PHF14: variants seen among roughly 807,000 people sequenced by gnomAD.
PHF14 encodes PHD finger protein 14.
A neutral mutation model predicts 117.9 loss-of-function variants in PHF14; 55 were observed. That is an observed-to-expected ratio of 0.47 (90% CI 0.38 to 0.58). The LOEUF (loss-of-function observed/expected upper bound fraction) is 0.58. Ranked by LOEUF, PHF14 falls within the 20% of genes least tolerant of loss-of-function variation. PHF14 has a pLI of 0.00. For missense variants in PHF14, 978 were observed against 1,122.2 expected (o/e 0.87, Z 1.84); for synonymous variants, 409 against 368.6 (o/e 1.11, Z -1.26).
intron 4 of PHF14, chr7:11,006,378 A>T: frequency 2.0e-6 from 1 of 501,706 alleles, no homozygotes; most frequent in Non-Finnish European, 3.9e-6. Context: ...ATATATTTAG[A>T]ATTAGCCAGC....
At chr7:11,087,219 T>C (rs1786447271) in intron 16 of PHF14, among the ~76,000 whole-genome samples, 1 of 150,298 alleles carries the variant, frequency 6.7e-6, no homozygotes, top group Admixed American at 6.7e-5. Context: ...TAAGATGGAG[T>C]CTCGCTCTGT....
intron 13 of PHF14, among the ~76,000 whole-genome samples, chr7:11,050,328 T>C (rs899456485): frequency 2.0e-5 from 3 of 152,174 alleles, no homozygotes. Flanking sequence ...TTTTACAGAT[T>C]ATAATCATTT....
chr7:11,012,506 A>G (rs1336104283), intron 4 of PHF14, among the ~76,000 whole-genome samples: 2 of 152,194 alleles, frequency 1.3e-5, no homozygotes, highest in Admixed American at 6.5e-5. Context: ...ACCAGTTCAA[A>G]CCTGTGTTGT....
At position 10,974,082 on chromosome 7, in the gene PHF14, C is replaced by T. The variant is rs964456248; in HGVS notation, c.-242C>T. ...GCGCTGCCTGGGCCGGAGGTCTTCT[C>T]CGGCCAGGGAGCGCTGTGGGAAGGG... On this transcript the variant is annotated 5_prime_UTR_variant, in exon 1 of 18. Transcript: ENST00000634607. 76 of 490,678 alleles carry T rather than the reference C, an allele frequency of 1.5e-4. No homozygotes were observed. Among genetic ancestry groups the T allele is most frequent in the Non-Finnish European group, 2.4e-4 (65 of 271,386 alleles). The allele number at this position is 490,678 out of a possible 1,614,324, so 30.4% of individuals were successfully genotyped here. A position where few individuals can be genotyped will look rare whatever the true frequency, so the allele number is the denominator to read the frequency against.
intron 17 of PHF14, among the ~76,000 whole-genome samples, chr7:11,121,774 A>G (rs1044550558): frequency 5.3e-5 from 8 of 152,258 alleles, no homozygotes; most frequent in Non-Finnish European, 7.4e-5. Flanking sequence ...CCAAGTGGGA[A>G]CAAGTGGGAC....
intron 14 of PHF14, among the ~76,000 whole-genome samples, chr7:11,057,478 G>A (rs186815431): frequency 7.9e-5 from 12 of 152,152 alleles, no homozygotes; most frequent in South Asian, 2.1e-4. Flanking sequence ...AGGATCGAGC[G>A]ATTCTCATGC....
intron 2 of PHF14, among the ~76,000 whole-genome samples, chr7:10,978,590 G>A (rs1268518567): frequency 6.6e-6 from 1 of 152,164 alleles, no homozygotes; most frequent in Non-Finnish European, 1.5e-5. Context: ...CTGTATATAC[G>A]AGTTAATGGT....
At position 11,062,056 on chromosome 7, in the gene PHF14, G is replaced by C. The variant is rs755460012; in HGVS notation, c.2625G>C (p.Lys875Asn). The change falls in exon 16 of 18, where the codon AAG becomes AAC. Residue 875 changes from lysine to asparagine, a missense_variant. By Grantham distance (94) the Lys-to-Asn change is moderately conservative. This residue lies in a region of PHF14 where 180 missense variants were observed against 195.4 expected (regional missense o/e 0.92). Transcript: ENST00000634607. ...TAAGAACTGAATGTGCAACTTGCAA[G>C]GGAACTGGAGACAATGAAAATCTTG... The part of the protein sequence containing the change: ...EDLRTECATC[K>N]GTGDNENLVR... 2 of 1,608,340 alleles carry C rather than the reference G, an allele frequency of 1.2e-6. No homozygotes were observed. The highest frequency in any genetic ancestry group is 1.7e-6 in the Non-Finnish European group (2 of 1,177,072).
chr7:11,013,709 T>C, intron 4 of PHF14, 38 bp from the exon 5 acceptor site: 1 of 1,204,640 alleles, frequency 8.3e-7, no homozygotes, highest in Non-Finnish European at 1.1e-6. Context: ...TTTAACAAAA[T>C]AAACCCTATT....
At chr7:11,004,297 A>G (rs1031572274) in intron 4 of PHF14, among the ~76,000 whole-genome samples, 1 of 149,892 alleles carries the variant, frequency 6.7e-6, no homozygotes, top group African/African-American at 2.4e-5. Context: ...ATCTCTCATA[A>G]TCATACCACC....
At chr7:10,978,052 G>T (rs557313156) in intron 2 of PHF14, among the ~76,000 whole-genome samples, 31 of 152,238 alleles carry the variant, frequency 2.0e-4, no homozygotes, top group African/African-American at 6.7e-4. Flanking sequence ...AGTAAAATGG[G>T]GTTAACTTTA....
At chr7:11,031,306 A>G (rs1056155151) in intron 7 of PHF14, among the ~76,000 whole-genome samples, 1 of 151,940 alleles carries the variant, frequency 6.6e-6, no homozygotes, top group African/African-American at 2.4e-5. Context: ...CCTTTATCTC[A>G]TTGGTGAGAA....
chr7:11,159,348 A>G (rs1055871683), intron 17 of PHF14, among the ~76,000 whole-genome samples: 5 of 152,016 alleles, frequency 3.3e-5, no homozygotes, highest in African/African-American at 1.2e-4. Flanking sequence ...AACGTGTGCT[A>G]TGGTTTGCCT....
chr7:10,976,966 A>G (rs1781889522), intron 2 of PHF14, among the ~76,000 whole-genome samples: 2 of 151,360 alleles, frequency 1.3e-5, no homozygotes, highest in South Asian at 4.2e-4. Context: ...TTTAGAAGAA[A>G]ATGATTGTAT....
chr7:11,155,989 G>GTT lies in PHF14; in HGVS notation c.2773-13427_2773-13426insTT. On this transcript the variant is annotated intron_variant, in intron 17 of 17. Coordinates refer to ENST00000634607, the MANE Select transcript of PHF14 (RefSeq NM_001007157.2). ...CTTTATACTTATGTAGTAGCTAATA[G>GTT]GTAATAGAAACCATTGGCTAAATGA... 2.6e-5 allele frequency among the ~76,000 whole-genome samples: 4 copies of GTT among 152,194 alleles called. No homozygotes were observed. The Middle Eastern group carries it at 0.014, about 518-fold the overall frequency.
At chr7:11,026,109 C>CAAA (rs142566001) in intron 6 of PHF14, among the ~76,000 whole-genome samples, 1 of 55,696 alleles carries the variant, frequency 1.8e-5, no homozygotes, top group African/African-American at 3.9e-5. Flanking sequence ...GAGACTCCAT[C>CAAA]AAAAAAAAAA....
rs773564764 is a variant in PHF14, at chr7:10,974,292, T to C, written c.-32T>C. On this transcript the variant is annotated 5_prime_UTR_variant, in exon 1 of 18. Coordinates refer to ENST00000634607, the MANE Select transcript of PHF14 (RefSeq NM_001007157.2). ...TGGGCTCCTGCAGCCTCTCCCTAAG[T>C]CTTCTCCAAACGACCACCTCACGGA... 8.2e-6 allele frequency: 13 copies of C among 1,582,316 alleles called. No individual in the cohort carries two copies. The Admixed American group carries it at 1.8e-4, about 22-fold the overall frequency.
intron 16 of PHF14, among the ~76,000 whole-genome samples, chr7:11,065,211 T>C (rs911246915): frequency 6.6e-6 from 1 of 152,070 alleles, no homozygotes; most frequent in African/African-American, 2.4e-5. Flanking sequence ...TTAGAAATTA[T>C]CTGAGAAGTT....
In PHF14 at chr7:11,136,910, A is replaced by G. The variant is rs144834596; in HGVS notation, c.2772+25443A>G. Among the ~76,000 whole-genome samples, 1,315 of 152,326 alleles carry G rather than the reference A, an allele frequency of 8.6e-3. 10 individuals are homozygous for G. Among genetic ancestry groups the G allele is most frequent in the Middle Eastern group, 0.024 (7 of 294 alleles). On this transcript the variant is annotated intron_variant, in intron 17 of 17. Transcript: ENST00000634607. ...AATTATGAACTAGCACATGCTTATT[A>G]TAGAAAACTTGGAGAACAATTAATA... is the stretch of plus-strand genomic sequence containing the variant.
Sources: gnomAD v4.1 joint callset for allele counts (sites outside exome capture counted in the v4.1 genomes callset) on GRCh38, gnomAD v4.1.1 for gene constraint, gnomAD v4.1.1 regional missense constraint, MANE v1.5 for transcripts, NCBI Gene and HGNC (gene_info 2026-07-23, HGNC 2026-07-21) for gene names.